IFT81: variants seen among roughly 807,000 people sequenced by gnomAD.
IFT81 encodes intraflagellar transport 81.
In IFT81, 72 loss-of-function variants were observed where a neutral mutation model predicts 102.6. The ratio of observed to expected loss-of-function variants is 0.70; its 90% CI spans 0.58 to 0.85. The LOEUF (loss-of-function observed/expected upper bound fraction) is 0.85, where lower values mean the gene tolerates loss of function less well. IFT81 is among the 40% of genes least tolerant of loss of function. The pLI is 0.00. For synonymous variants in IFT81, 237 were observed against 242.7 expected (o/e 0.98, Z 0.22); for missense variants, 723 against 787.3 (o/e 0.92, Z 0.98).
rs1408517409 is a variant in IFT81 at position 110,218,460 on chromosome 12, T to G, written c.*234T>G. On this transcript the variant is annotated 3_prime_UTR_variant, in exon 19 of 19. Transcript: ENST00000242591. ...TTAGACATCACTGGCGTCTTCTGAG[T>G]TTTATGAGACAGGAAACTAAGTTTA... 5.9e-6 allele frequency: 2 copies of G among 337,484 alleles called. No homozygotes were observed. The highest frequency in any genetic ancestry group is 1.1e-5 in the Non-Finnish European group (2 of 188,840). The allele number at this position is 337,484 out of a possible 1,614,324, so 20.9% of individuals were successfully genotyped here.
Position 110,132,537 on chromosome 12 carries a change from A to T in IFT81, c.430-10A>T. 1 of 1,215,958 alleles carries T rather than the reference A, an allele frequency of 8.2e-7. No individual in the cohort carries two copies. 75.3% of individuals were successfully genotyped at this position (1,215,958 alleles called of 1,614,324 possible). ...TTATTAGTTTATAATTTCTTAACTTATTCTTCTAGTATGAAGAGTTAATGG... is the reference window on the plus strand; with the variant it reads ...TTATTAGTTTATAATTTCTTAACTTTTTCTTCTAGTATGAAGAGTTAATGG... On this transcript the variant is annotated splice_polypyrimidine_tract_variant and intron_variant, in intron 4 of 18. Coordinates refer to ENST00000242591, the MANE Select transcript of IFT81 (RefSeq NM_014055.4).
chr12:110,168,991 C>G (rs1276259106), intron 11 of IFT81: 1 of 151,906 alleles, frequency 6.6e-6, no homozygotes, highest in Non-Finnish European at 1.5e-5. Context: ...GCTTGCTTGC[C>G]TCTTTCTTTG....
At chr12:110,178,414 C>CAAAAA (rs75333089) in intron 11 of IFT81, among the ~76,000 whole-genome samples, 1 of 57,990 alleles carries the variant, frequency 1.7e-5, no homozygotes, top group African/African-American at 6.9e-5. Context: ...GACTCCATCT[C>CAAAAA]AAAAAAAAAA....
At chr12:110,145,847 G>T (rs1230474136) in intron 9 of IFT81, among the ~76,000 whole-genome samples, 1 of 151,884 alleles carries the variant, frequency 6.6e-6, no homozygotes, top group Non-Finnish European at 1.5e-5. Flanking sequence ...GTCTCACTCT[G>T]TCACCCAGGC....
At chr12:110,172,949 CAGCCCCCGCCAGGCCAGCCGCCCTGTCCA>C (rs1896825700) in intron 11 of IFT81, among the ~76,000 whole-genome samples, 2 of 91,842 alleles carry the variant, frequency 2.2e-5, no homozygotes, top group African/African-American at 4.1e-5. Flanking sequence ...AGGTGGGGGT[CAGCCCCCGCCAGGCCAGCCGCCCTGTCCA>C]GGAGGGAGGT....
At chr12:110,185,185 AT>A (rs897205111) in intron 12 of IFT81, among the ~76,000 whole-genome samples, 1 of 151,038 alleles carries the variant, frequency 6.6e-6, no homozygotes, top group African/African-American at 2.4e-5. Flanking sequence ...TCTTCACTAA[AT>A]TTTTTTTTCT....
At chr12:110,184,175 C>A (rs922447833) in intron 12 of IFT81, among the ~76,000 whole-genome samples, 20 of 152,010 alleles carry the variant, frequency 1.3e-4, no homozygotes, top group African/African-American at 4.6e-4. Flanking sequence ...ACGGTGAAAC[C>A]CTGTATTTAC....
chr12:110,131,108 C>T (rs1363176752), intron 4 of IFT81, among the ~76,000 whole-genome samples: 2 of 151,800 alleles, frequency 1.3e-5, no homozygotes, highest in Admixed American at 6.6e-5. Context: ...CATGGTGAAA[C>T]CCATCTCTAC....
chr12:110,159,241 T>C (rs950507100), intron 10 of IFT81, among the ~76,000 whole-genome samples: 1 of 152,114 alleles, frequency 6.6e-6, no homozygotes, highest in Non-Finnish European at 1.5e-5. Flanking sequence ...GACCAAGATG[T>C]GTGGTTGAGC....
intron 6 of IFT81, 127 bp downstream of exon 6, chr12:110,135,140 C>T (rs1475338073): frequency 1.4e-5 from 11 of 786,986 alleles, no homozygotes; most frequent in East Asian, 5.2e-5. Flanking sequence ...ATAACATTGA[C>T]GAAAAGGGAA....
intron 18 of IFT81, among the ~76,000 whole-genome samples, chr12:110,217,292 G>A (rs774737937): frequency 3.3e-5 from 5 of 152,030 alleles, no homozygotes; most frequent in Non-Finnish European, 7.4e-5. Context: ...TGATCTATCC[G>A]CCTCAGCCTC....
At chr12:110,205,293 T>G (rs1387237814) in intron 15 of IFT81, 150 bp from the exon 16 acceptor site, 12 of 764,026 alleles carry the variant, frequency 1.6e-5, no homozygotes, top group African/African-American at 1.8e-5. Flanking sequence ...AGAAAAAGAT[T>G]ATCTCTTATT....
intron 15 of IFT81, chr12:110,204,561 G>T: frequency 6.5e-6 from 1 of 153,248 alleles, no homozygotes; most frequent in Non-Finnish European, 1.5e-5. Context: ...TTCTTCCTGA[G>T]CTTTAAACAG....
chr12:110,162,896 C>T (rs1896214984), intron 10 of IFT81, 23 bp from the exon 11 acceptor site: 2 of 1,575,122 alleles, frequency 1.3e-6, no homozygotes, highest in African/African-American at 1.4e-5. Context: ...CTTATTATAC[C>T]TTCATATTTA....
At chr12:110,183,686 A>G (rs1445845303) in intron 12 of IFT81, among the ~76,000 whole-genome samples, 1 of 152,166 alleles carries the variant, frequency 6.6e-6, no homozygotes. Flanking sequence ...CTACTCCCAT[A>G]GGTTCAAACA....
At position 110,218,358 on chromosome 12, in the gene IFT81, A is replaced by C; in HGVS notation, c.*132A>C. The stretch of plus-strand genomic sequence containing the variant: ...AAGAGCCATTCTTTATTAAGTTTTC[A>C]TAGAAAATAATGTTAAGGTAGATTT... On this transcript the variant is annotated 3_prime_UTR_variant, in exon 19 of 19. Transcript: ENST00000242591. The C allele has an allele frequency of 3.3e-6, 2 of 601,706 alleles. No homozygotes were observed. Among genetic ancestry groups the C allele is most frequent in the Non-Finnish European group, 5.4e-6 (2 of 369,992 alleles). The allele number at this position is 601,706 out of a possible 1,614,324, so 37.3% of individuals were successfully genotyped here. A position where few individuals can be genotyped will look rare whatever the true frequency, so the allele number is the denominator to read the frequency against.
In IFT81 at chr12:110,189,448, A is replaced by G. The variant is rs950818341; in HGVS notation, c.1339-1472A>G. Among the ~76,000 whole-genome samples, 6 of 152,092 alleles carry G rather than the reference A, an allele frequency of 3.9e-5. No individual in the cohort carries two copies. In the South Asian group the frequency reaches 1.2e-3, roughly 31 times the overall value. On this transcript the variant is annotated intron_variant, in intron 12 of 18. Transcript: ENST00000242591. ...ACTGCAAGCTCCACCTCCCGGGTTC[A>G]AGTGATTCTCCTGCCTCAGCCTCCC... is the stretch of plus-strand genomic sequence containing the variant.
chr12:110,206,275 T>C (rs1868612905), intron 17 of IFT81, among the ~76,000 whole-genome samples: 1 of 152,156 alleles, frequency 6.6e-6, no homozygotes, highest in Non-Finnish European at 1.5e-5. Context: ...GTGCTTTTTT[T>C]GCAATCCCAG....
chr12:110,210,053 C>T (rs1184607000), intron 18 of IFT81, among the ~76,000 whole-genome samples: 5 of 152,168 alleles, frequency 3.3e-5, no homozygotes, highest in Admixed American at 3.3e-4. Context: ...CCTTGACCAT[C>T]AGGACTTAAA....
Sources: allele counts gnomAD v4.1 joint callset (sites outside exome capture counted in the v4.1 genomes callset), GRCh38; gene constraint gnomAD v4.1.1; transcripts MANE v1.5; gene names NCBI Gene and HGNC (gene_info 2026-07-23, HGNC 2026-07-21).